The following FKBP9 variants were observed in gnomAD, a reference collection of about 807,000 sequenced individuals.
The protein encoded by FKBP9 is FKBP prolyl isomerase 9.
Under a neutral mutation model 55.6 loss-of-function variants are expected in FKBP9, and 27 were observed. The ratio of observed to expected loss-of-function variants is 0.49; its 90% CI spans 0.36 to 0.67. FKBP9 has a LOEUF of 0.67. FKBP9 is among the 30% of genes least tolerant of loss of function. The pLI, the probability that FKBP9 is intolerant of heterozygous loss-of-function variation, is 0.00. For missense variants in FKBP9, 539 were observed against 742.8 expected (o/e 0.73, Z 3.19); for synonymous variants, 267 against 296.5 (o/e 0.90, Z 1.02).
At chr7:32,978,364 A>G (rs1465125252) in intron 4 of FKBP9, among the ~76,000 whole-genome samples, 1 of 152,036 alleles carries the variant, frequency 6.6e-6, no homozygotes, top group Admixed American at 6.6e-5. Context: ...CTGAGATATA[A>G]GATACTGTTA....
chr7:32,958,688 G>A (rs1783955076), intron 1 of FKBP9, among the ~76,000 whole-genome samples: 1 of 152,156 alleles, frequency 6.6e-6, no homozygotes, highest in Non-Finnish European at 1.5e-5. Flanking sequence ...GACACCTCTC[G>A]TGGGCAGGAG....
At position 32,986,361 on chromosome 7, in the gene FKBP9, G is replaced by A. The variant is rs182954031; in HGVS notation, c.894-2146G>A. 8.9e-3 allele frequency among the ~76,000 whole-genome samples: 1,353 copies of A among 152,334 alleles called. 14 individuals carry two copies. The highest frequency in any genetic ancestry group is 0.031 in the Middle Eastern group (9 of 294). ...CCTTTGTCGGGAGCCCACCACATAG[G>A]TATCCTTCTCTTCCCTGAATGTCTG... On this transcript the variant is annotated intron_variant, in intron 5 of 9. Coordinates refer to ENST00000242209, the MANE Select transcript of FKBP9 (RefSeq NM_007270.5).
Position 32,957,730 on chromosome 7 carries a change from A to T in FKBP9, c.157A>T (p.Ser53Cys), listed in dbSNP as rs1380225264. The stretch of plus-strand genomic sequence containing the variant: ...CGACGAGTGCCCGCGCACCGTGCGC[A>T]GCGGCGACTTCGTGCGCTACCACTA... ...VPDECPRTVR[S>C]GDFVRYHYVG... Residue 53 changes from serine to cysteine, a missense_variant, in exon 1 of 10, where the codon AGC (serine) becomes TGC (cysteine). By Grantham distance (112) the Ser-to-Cys change is moderately radical. Transcript: ENST00000242209. 2 of 1,523,844 alleles carry T rather than the reference A, an allele frequency of 1.3e-6. No individual in the cohort carries two copies. The highest frequency in any genetic ancestry group is 4.1e-5 in the Admixed American group (2 of 48,870). 94.4% of individuals were successfully genotyped at this position (1,523,844 alleles called of 1,614,324 possible).
intron 2 of FKBP9, 191 bp from the exon 3 acceptor site, chr7:32,974,991 A>C: frequency 1.6e-6 from 1 of 643,808 alleles, no homozygotes; most frequent in South Asian, 2.0e-5. Flanking sequence ...TGAGAAGAAG[A>C]CTGTTTTTTC....
intron 1 of FKBP9, among the ~76,000 whole-genome samples, chr7:32,961,773 T>C (rs1007534210): frequency 1.3e-5 from 2 of 151,728 alleles, no homozygotes; most frequent in African/African-American, 4.8e-5. Flanking sequence ...AACCCTATTG[T>C]GTACTGCACA....
intron 6 of FKBP9, among the ~76,000 whole-genome samples, chr7:32,994,779 A>G (rs1251567982): frequency 6.6e-6 from 1 of 152,098 alleles, no homozygotes; most frequent in Non-Finnish European, 1.5e-5. Context: ...ATAAACGCCT[A>G]TTAAATATGA....
chr7:32,962,450 A>G (rs1382584483), intron 1 of FKBP9, among the ~76,000 whole-genome samples: 12 of 152,168 alleles, frequency 7.9e-5, no homozygotes, highest in Admixed American at 7.9e-4. Context: ...GGTCAACTTC[A>G]TTTTGTATAT....
At chr7:32,960,657 G>A (rs1472720655) in intron 1 of FKBP9, among the ~76,000 whole-genome samples, 1 of 152,212 alleles carries the variant, frequency 6.6e-6, no homozygotes, top group East Asian at 1.9e-4. Flanking sequence ...CTGTGAGGTA[G>A]TGTAGGGCAG....
At position 33,006,465 on chromosome 7, in the gene FKBP9, A is replaced by G. The variant is rs1456589097; in HGVS notation, c.*1114A>G. 15 of 201,842 alleles carry G rather than the reference A, an allele frequency of 7.4e-5. No individual in the cohort carries two copies. In the East Asian group the frequency reaches 9.8e-4, roughly 13 times the overall value. 12.5% of individuals were successfully genotyped at this position (201,842 alleles called of 1,614,324 possible). A position where few individuals can be genotyped will look rare whatever the true frequency, so the allele number is the denominator to read the frequency against. Reference sequence around the variant, plus strand: ...TCTATCCCATAGAACACTCTTTTTTATCTTCCCTGAACCATATTGATGAGA... The same window carrying G: ...TCTATCCCATAGAACACTCTTTTTTGTCTTCCCTGAACCATATTGATGAGA... On this transcript the variant is annotated 3_prime_UTR_variant, in exon 10 of 10. Transcript: ENST00000242209.
At chr7:32,970,420 T>A (rs1784229433) in intron 1 of FKBP9, among the ~76,000 whole-genome samples, 1 of 151,950 alleles carries the variant, frequency 6.6e-6, no homozygotes, top group Admixed American at 6.6e-5. Flanking sequence ...GGTCTCAAAC[T>A]CCTGACTTCA....
In FKBP9 at chr7:32,996,661, GCTCC is replaced by G. The variant is rs1478726182; in HGVS notation, c.1226+327_1226+330del. On this transcript the variant is annotated intron_variant, in intron 7 of 9. Transcript: ENST00000242209. ...TCCTTCCTTCCTTCCTTCCTTCCTT[GCTCC>G]CTCCCTCCCTCCCTTCCTCTTCTTT... Among the ~76,000 whole-genome samples the G allele has an allele frequency of 6.1e-4, 25 of 40,660 alleles. No individual in the cohort carries two copies. In the East Asian group the frequency reaches 9.9e-3, roughly 16 times the overall value. 26.7% of individuals were successfully genotyped at this position (40,660 alleles called of 152,430 possible).
rs113275973 is a variant in FKBP9 at position 32,965,843 on chromosome 7, A to G, written c.221+8049A>G. On this transcript the variant is annotated intron_variant, in intron 1 of 9. Coordinates refer to ENST00000242209, the MANE Select transcript of FKBP9 (RefSeq NM_007270.5). ...TATATATATATATATATATATATAT[A>G]TGTGTGTACAGATATATATATATAC... Among the ~76,000 whole-genome samples, 113 of 41,406 alleles carry G rather than the reference A, an allele frequency of 2.7e-3. 3 individuals carry two copies. Among genetic ancestry groups the G allele is most frequent in the Middle Eastern group, 0.019 (1 of 54 alleles). The allele number at this position is 41,406 out of a possible 152,430, so 27.2% of individuals were successfully genotyped here. A position where few individuals can be genotyped will look rare whatever the true frequency, so the allele number is the denominator to read the frequency against.
chr7:32,985,590 T>TA lies in FKBP9; in HGVS notation c.894-2912dup, dbSNP rs1784560877. ...TGATAGCTTGCTGTATACTGCACCT[T>TA]AAAAACAGCATTCTTAATTATTTCT... On this transcript the variant is annotated intron_variant, in intron 5 of 9. Transcript: ENST00000242209. Among the ~76,000 whole-genome samples, 6 of 152,360 alleles carry TA rather than the reference T, an allele frequency of 3.9e-5. No homozygotes were observed. In the South Asian group the frequency reaches 1.0e-3, roughly 26 times the overall value.
At chr7:32,984,076 A>G (rs975115648) in intron 5 of FKBP9, among the ~76,000 whole-genome samples, 2 of 152,072 alleles carry the variant, frequency 1.3e-5, no homozygotes, top group Non-Finnish European at 1.5e-5. Flanking sequence ...AATACATTAG[A>G]CTTCCTCATT....
intron 1 of FKBP9, among the ~76,000 whole-genome samples, chr7:32,965,516 G>C (rs1784115148): frequency 6.6e-6 from 1 of 151,864 alleles, no homozygotes; most frequent in Admixed American, 6.6e-5. Flanking sequence ...ATATAGCCGT[G>C]GGGGCCAGGC....
chr7:32,972,690 G>A (rs919026925), intron 1 of FKBP9, among the ~76,000 whole-genome samples: 2 of 151,968 alleles, frequency 1.3e-5, no homozygotes, highest in Non-Finnish European at 2.9e-5. Context: ...AGTTGAAAAC[G>A]GAGTGATTTT....
chr7:32,985,460 G>GAAATTAA (rs754954003), intron 5 of FKBP9, among the ~76,000 whole-genome samples: 9,845 of 151,788 alleles, frequency 0.065, 432 homozygotes, highest in East Asian at 0.2. Context: ...GATTACAGGT[G>GAAATTAA]TAACCCACTG....
intron 6 of FKBP9, among the ~76,000 whole-genome samples, chr7:32,994,645 G>A (rs1383461468): frequency 6.6e-6 from 1 of 151,694 alleles, no homozygotes; most frequent in Non-Finnish European, 1.5e-5. Context: ...TGCTATTAAA[G>A]CACACGCTTC....
chr7:32,963,711 C>A, intron 1 of FKBP9: 6 of 1,349,448 alleles, frequency 4.4e-6, no homozygotes, highest in Non-Finnish European at 5.7e-6. Flanking sequence ...AGGTGACTTT[C>A]TGCCTCTCTC....
Sources: gnomAD v4.1 joint callset for allele counts (sites outside exome capture counted in the v4.1 genomes callset) on GRCh38, gnomAD v4.1.1 for gene constraint, MANE v1.5 for transcripts, NCBI Gene and HGNC (gene_info 2026-07-23, HGNC 2026-07-21) for gene names.